Variants in HECW1 observed in about 807,000 individuals in gnomAD.
HECW1 encodes the protein E3 ubiquitin-protein ligase HECW1.
Under a neutral mutation model 182.3 loss-of-function variants are expected in HECW1, and 61 were observed. The ratio of observed to expected loss-of-function variants is 0.33; its 90% CI spans 0.27 to 0.41. HECW1 has a LOEUF of 0.41. Ranked by LOEUF, HECW1 falls within the 10% of genes least tolerant of loss-of-function variation. HECW1 has a pLI of 1.00. For synonymous variants in HECW1, 859 were observed against 832.6 expected (o/e 1.03, Z -0.55); for missense variants, 1,739 against 2,108.9 (o/e 0.82, Z 3.44).
At chr7:43,505,357 G>T (rs1293315506) in intron 21 of HECW1, among the ~76,000 whole-genome samples, 1 of 152,072 alleles carries the variant, frequency 6.6e-6, no homozygotes, top group Non-Finnish European at 1.5e-5. Context: ...CTCCACTGAC[G>T]CCAGCCTAGT....
chr7:43,192,498 A>T (rs1187531761), intron 2 of HECW1, among the ~76,000 whole-genome samples: 1 of 149,626 alleles, frequency 6.7e-6, no homozygotes, highest in Non-Finnish European at 1.5e-5. Context: ...TGTATCAATA[A>T]AAATGACTAA....
At chr7:43,510,107 T>G (rs2079789588) in intron 24 of HECW1, 1 of 152,244 alleles carries the variant, frequency 6.6e-6, no homozygotes, top group Admixed American at 6.5e-5. Flanking sequence ...AAACGTGCCC[T>G]TTGTTGCCCC....
intron 3 of HECW1, among the ~76,000 whole-genome samples, chr7:43,257,775 T>G (rs1195999706): frequency 1.3e-5 from 2 of 152,222 alleles, no homozygotes; most frequent in African/African-American, 4.8e-5. Flanking sequence ...GTTTTACCAC[T>G]GCTGACTTAG....
intron 24 of HECW1, among the ~76,000 whole-genome samples, chr7:43,540,181 AC>A (rs2081314893): frequency 3.3e-5 from 5 of 152,174 alleles, no homozygotes; most frequent in Admixed American, 3.3e-4. Flanking sequence ...AGAGTAGGAA[AC>A]CCTCTGAGTC....
At chr7:43,138,759 C>T (rs1361756515) in intron 2 of HECW1, among the ~76,000 whole-genome samples, 1 of 152,242 alleles carries the variant, frequency 6.6e-6, no homozygotes, top group East Asian at 1.9e-4. Flanking sequence ...AAGCGCTTTC[C>T]ATAAAACTGT....
At chr7:43,280,547 G>A (rs1372500048) in intron 3 of HECW1, among the ~76,000 whole-genome samples, 1 of 152,164 alleles carries the variant, frequency 6.6e-6, no homozygotes, top group Non-Finnish European at 1.5e-5. Context: ...AGTTCCTGGT[G>A]AGCAGAAATA....
At chr7:43,515,341 T>C (rs552283549) in intron 24 of HECW1, among the ~76,000 whole-genome samples, 83 of 152,290 alleles carry the variant, frequency 5.5e-4, no homozygotes, top group African/African-American at 2.0e-3. Context: ...AGATCTTTAT[T>C]AAACTCAGAA....
chr7:43,153,334 G>A (rs1202631734), intron 2 of HECW1, among the ~76,000 whole-genome samples: 1 of 152,164 alleles, frequency 6.6e-6, no homozygotes, highest in African/African-American at 2.4e-5. Context: ...ATGGGCATAT[G>A]TATTCCCTTT....
At chr7:43,339,013 C>A (rs1430319772) in intron 5 of HECW1, among the ~76,000 whole-genome samples, 2 of 152,128 alleles carry the variant, frequency 1.3e-5, no homozygotes, top group African/African-American at 4.8e-5. Flanking sequence ...TGTCATTTAT[C>A]TTCTGAAAAG....
chr7:43,332,099 G>A (rs890881885), intron 5 of HECW1, among the ~76,000 whole-genome samples: 30 of 152,102 alleles, frequency 2.0e-4, no homozygotes, highest in African/African-American at 7.0e-4. Context: ...TACAGTGCCC[G>A]CTTTCCTAAC....
At chr7:43,120,421 A>C (rs1187193023) in intron 2 of HECW1, among the ~76,000 whole-genome samples, 1 of 152,040 alleles carries the variant, frequency 6.6e-6, no homozygotes, top group African/African-American at 2.4e-5. Flanking sequence ...GTTTCTGCTT[A>C]TGTGCTATTC....
At chr7:43,206,120 G>A (rs572768814) in intron 2 of HECW1, among the ~76,000 whole-genome samples, 11 of 152,240 alleles carry the variant, frequency 7.2e-5, no homozygotes, top group Non-Finnish European at 1.0e-4. Context: ...TTTTGGAACC[G>A]GAGAGCAAAT....
At chr7:43,433,400 G>A (rs1214068645) in intron 8 of HECW1, among the ~76,000 whole-genome samples, 1 of 152,186 alleles carries the variant, frequency 6.6e-6, no homozygotes, top group Non-Finnish European at 1.5e-5. Flanking sequence ...CTCTCTCAAG[G>A]GAGTCTAATA....
rs530445857 is a variant in HECW1 at position 43,125,626 on chromosome 7, C to G, written c.-32+11235C>G. On this transcript the variant is annotated intron_variant, in intron 2 of 29. Transcript: ENST00000395891. ...AAAAAAAATTAGCCGGGCATGGTGT[C>G]ACATGGCTGTAATCCCAGCTACTTG... Among the ~76,000 whole-genome samples the G allele has an allele frequency of 2.0e-5, 3 of 151,872 alleles. No individual in the cohort carries two copies. In the East Asian group the frequency reaches 5.8e-4, roughly 30 times the overall value.
At chr7:43,258,427 AT>A (rs1166948832) in intron 3 of HECW1, 1 of 152,226 alleles carries the variant, frequency 6.6e-6, no homozygotes, top group Non-Finnish European at 1.5e-5. Context: ...TCAAACCCAC[AT>A]TAGTTTAACC....
At chr7:43,246,133 T>A (rs1331573951) in intron 3 of HECW1, among the ~76,000 whole-genome samples, 1 of 128,736 alleles carries the variant, frequency 7.8e-6, no homozygotes, top group Non-Finnish European at 1.5e-5. Flanking sequence ...CCCATTTCTA[T>A]GAAAAATAAA....
chr7:43,197,006 G>A (rs780282989), intron 2 of HECW1, among the ~76,000 whole-genome samples: 4 of 151,710 alleles, frequency 2.6e-5, no homozygotes, highest in Non-Finnish European at 5.9e-5. Context: ...GCTAAAGGAC[G>A]GGCACATATC....
intron 9 of HECW1, among the ~76,000 whole-genome samples, chr7:43,441,578 C>T (rs1478977302): frequency 6.6e-6 from 1 of 152,138 alleles, no homozygotes; most frequent in Non-Finnish European, 1.5e-5. Flanking sequence ...TTTTAGAACA[C>T]AGGTTGGCAA....
intron 2 of HECW1, among the ~76,000 whole-genome samples, chr7:43,160,640 G>A (rs1432665058): frequency 1.3e-5 from 2 of 151,926 alleles, no homozygotes; most frequent in African/African-American, 4.8e-5. Flanking sequence ...TTGATCTGTG[G>A]TTCTGGTCCA....
Sources: gnomAD v4.1 joint callset for allele counts (sites outside exome capture counted in the v4.1 genomes callset) on GRCh38, gnomAD v4.1.1 for gene constraint, MANE v1.5 for transcripts, NCBI Gene and HGNC (gene_info 2026-07-23, HGNC 2026-07-21) for gene names.